Variants in SPOCK3 observed in about 807,000 individuals in gnomAD.
SPOCK3 encodes testican-3.
SPOCK3 carries 30 observed loss-of-function variants against 56.6 expected under a neutral mutation model. That is an observed-to-expected ratio of 0.53 (90% CI 0.40 to 0.72). The LOEUF is 0.72. Ranked by LOEUF, SPOCK3 falls within the 30% of genes least tolerant of loss-of-function variation. The pLI is 0.00. For missense variants in SPOCK3, 527 were observed against 530.0 expected (o/e 0.99, Z 0.06); for synonymous variants, 196 against 183.3 (o/e 1.07, Z -0.56).
At chr4:167,199,208 A>G (rs1159346589) in intron 2 of SPOCK3, among the ~76,000 whole-genome samples, 1 of 149,676 alleles carries the variant, frequency 6.7e-6, no homozygotes, top group African/African-American at 2.5e-5. Flanking sequence ...ATGATCCTCA[A>G]TATGCTAAAT....
chr4:167,013,384 T>G (rs1750283181), intron 3 of SPOCK3, among the ~76,000 whole-genome samples: 1 of 151,696 alleles, frequency 6.6e-6, no homozygotes, highest in African/African-American at 2.4e-5. Context: ...TTGTTTTCTT[T>G]GTCAATATAT....
intron 4 of SPOCK3, among the ~76,000 whole-genome samples, chr4:166,944,548 AG>A (rs895629778): frequency 3.3e-5 from 5 of 152,008 alleles, no homozygotes; most frequent in Middle Eastern, 3.4e-3. Flanking sequence ...TTTTTTCTTG[AG>A]GGAGGGGTGG....
At chr4:167,210,138 T>C (rs1395771185) in intron 2 of SPOCK3, among the ~76,000 whole-genome samples, 1 of 152,214 alleles carries the variant, frequency 6.6e-6, no homozygotes, top group African/African-American at 2.4e-5. Context: ...TGACTCTCTA[T>C]CATTCACAAT....
At chr4:167,039,975 C>T (rs1420922243) in intron 3 of SPOCK3, among the ~76,000 whole-genome samples, 2 of 152,094 alleles carry the variant, frequency 1.3e-5, no homozygotes, top group Non-Finnish European at 2.9e-5. Context: ...GAAAATGTTG[C>T]CTTTGGCCTT....
chr4:167,107,413 T>C (rs1227034689), intron 2 of SPOCK3, among the ~76,000 whole-genome samples: 1 of 151,890 alleles, frequency 6.6e-6, no homozygotes, highest in Non-Finnish European at 1.5e-5. Context: ...ATCATTTCAA[T>C]TGTTGCCAAA....
At chr4:167,028,331 C>A (rs965155379) in intron 3 of SPOCK3, among the ~76,000 whole-genome samples, 3 of 151,452 alleles carry the variant, frequency 2.0e-5, no homozygotes, top group African/African-American at 4.9e-5. Flanking sequence ...GAGCTATGAT[C>A]ACAATGCTGC....
At chr4:167,202,428 G>A (rs1454664662) in intron 2 of SPOCK3, among the ~76,000 whole-genome samples, 1 of 151,904 alleles carries the variant, frequency 6.6e-6, no homozygotes, top group African/African-American at 2.4e-5. Context: ...ATAAAATATA[G>A]TCAGCTTTGT....
At chr4:166,927,908 A>T (rs1739300567) in intron 4 of SPOCK3, among the ~76,000 whole-genome samples, 1 of 152,214 alleles carries the variant, frequency 6.6e-6, no homozygotes, top group African/African-American at 2.4e-5. Context: ...GCAACTTAAA[A>T]ATGAGCCAAA....
chr4:166,876,616 T>C (rs1733112509), intron 6 of SPOCK3, among the ~76,000 whole-genome samples: 1 of 152,182 alleles, frequency 6.6e-6, no homozygotes, highest in Non-Finnish European at 1.5e-5. Context: ...CATTTTATAG[T>C]GGTGATGAAC....
At chr4:167,173,667 G>A (rs1730702934) in intron 2 of SPOCK3, among the ~76,000 whole-genome samples, 1 of 152,122 alleles carries the variant, frequency 6.6e-6, no homozygotes, top group Admixed American at 6.6e-5. Flanking sequence ...GCGTATTTGA[G>A]TGCCTACTGA....
At chr4:166,954,709 T>G (rs1743174627) in intron 4 of SPOCK3, among the ~76,000 whole-genome samples, 1 of 152,212 alleles carries the variant, frequency 6.6e-6, no homozygotes, top group African/African-American at 2.4e-5. Context: ...TATCCATTTT[T>G]AACTCTACAA....
chr4:166,935,498 G>T (rs1236707789), intron 4 of SPOCK3, among the ~76,000 whole-genome samples: 1 of 152,122 alleles, frequency 6.6e-6, no homozygotes, highest in African/African-American at 2.4e-5. Context: ...CATGCTTTCT[G>T]CCAGTGTTCA....
intron 2 of SPOCK3, among the ~76,000 whole-genome samples, chr4:167,192,124 T>TA (rs1732519829): frequency 6.8e-6 from 1 of 146,222 alleles, no homozygotes; most frequent in South Asian, 2.1e-4. Context: ...ATTCCAAAGA[T>TA]AAATCTTATT....
rs763359105 is a variant in SPOCK3, at chr4:166,792,211, T to G, written c.668A>C (p.Gln223Pro). The G allele has an allele frequency of 1.2e-6, 2 of 1,613,984 alleles. No individual in the cohort carries two copies. The highest frequency in any genetic ancestry group is 4.5e-5 in the East Asian group (2 of 44,846). ...CAGCAATGTTTTTGTCTTCTTGTTT[T>G]GACTTCCACTTTCATGAAGGGCCTT... Reference protein sequence around the residue: ...WFKALHESGSQNKKTKTLLRP... With the variant: ...WFKALHESGSPNKKTKTLLRP... Residue 223 changes from glutamine (Q) to proline (P), a missense_variant, in exon 7 of 11, where the codon CAA becomes CCA. By Grantham distance (76) the Gln-to-Pro change is moderately conservative (BLOSUM62 -1). Transcript: ENST00000357545.
intron 6 of SPOCK3, among the ~76,000 whole-genome samples, chr4:166,839,261 T>G (rs1746972208): frequency 6.6e-6 from 1 of 152,138 alleles, no homozygotes; most frequent in South Asian, 2.1e-4. Context: ...CCTGAGGAGT[T>G]GTGCCTCCTG....
At position 166,985,440 on chromosome 4, in the gene SPOCK3, T is replaced by C. The variant is rs187989408; in HGVS notation, c.350+14909A>G. On this transcript the variant is annotated intron_variant, in intron 4 of 10. Transcript: ENST00000357545. ...AAAATGGATTAGCAATTTTTAGTTA[T>C]AGTGCACATCTCCCTTAAAAGAAAA... 3.9e-5 allele frequency among the ~76,000 whole-genome samples: 6 copies of C among 152,304 alleles called. No individual in the cohort carries two copies. In the East Asian group the frequency reaches 5.8e-4, roughly 15 times the overall value.
At chr4:166,994,525 G>A (rs537609424) in intron 4 of SPOCK3, among the ~76,000 whole-genome samples, 1 of 152,192 alleles carries the variant, frequency 6.6e-6, no homozygotes, top group African/African-American at 2.4e-5. Context: ...AAACTACAGA[G>A]GAGGCTCTAA....
At chr4:167,039,266 T>C (rs1753042227) in intron 3 of SPOCK3, among the ~76,000 whole-genome samples, 1 of 152,212 alleles carries the variant, frequency 6.6e-6, no homozygotes, top group African/African-American at 2.4e-5. Context: ...GTCCACCTAA[T>C]AACCTCATCT....
At chr4:167,063,193 G>A (rs547609831) in intron 2 of SPOCK3, among the ~76,000 whole-genome samples, 4 of 151,730 alleles carry the variant, frequency 2.6e-5, no homozygotes, top group East Asian at 1.9e-4. Context: ...ATATATTTAC[G>A]ATATACTTAG....
Sources: allele counts gnomAD v4.1 joint callset (sites outside exome capture counted in the v4.1 genomes callset), GRCh38; gene constraint gnomAD v4.1.1; transcripts MANE v1.5; gene names NCBI Gene and HGNC (gene_info 2026-07-23, HGNC 2026-07-21).